Variants in DLGAP2 observed in about 807,000 individuals in gnomAD.
The protein encoded by DLGAP2 is disks large-associated protein 2.
A neutral mutation model predicts 100.3 loss-of-function variants in DLGAP2; 26 were observed. The ratio of observed to expected loss-of-function variants is 0.26; its 90% confidence interval spans 0.19 to 0.36. DLGAP2 has a LOEUF of 0.36. Among genes scored for constraint, DLGAP2 ranks in the 10% least tolerant of loss-of-function variants. DLGAP2 has a pLI of 1.00. For missense variants in DLGAP2, 1,858 were observed against 1,453.2 expected (o/e 1.28, Z -4.53); for synonymous variants, 886 against 630.1 (o/e 1.41, Z -6.08).
chr8:1,329,345 G>C (rs1365765008), intron 3 of DLGAP2, among the ~76,000 whole-genome samples: 3 of 152,112 alleles, frequency 2.0e-5, no homozygotes, highest in African/African-American at 4.8e-5. Flanking sequence ...GAGATTAAAT[G>C]GCATTTCATT....
At chr8:1,168,978 T>A (rs1275736592) in intron 2 of DLGAP2, among the ~76,000 whole-genome samples, 2 of 146,990 alleles carry the variant, frequency 1.4e-5, no homozygotes, top group Admixed American at 7.0e-5. Context: ...CTGAATGGTA[T>A]TGCCTAGGTT....
chr8:1,352,696 C>T (rs367871298), intron 3 of DLGAP2, among the ~76,000 whole-genome samples: 2 of 152,200 alleles, frequency 1.3e-5, no homozygotes, highest in South Asian at 2.1e-4. Context: ...TCCTTCTTTA[C>T]ATGACTTCTC....
At chr8:1,344,551 G>A (rs912466240) in intron 3 of DLGAP2, among the ~76,000 whole-genome samples, 1 of 152,200 alleles carries the variant, frequency 6.6e-6, no homozygotes, top group Non-Finnish European at 1.5e-5. Context: ...CCATAAGGAT[G>A]TCACAGAGAT....
At chr8:1,202,368 G>A (rs954773036) in intron 2 of DLGAP2, among the ~76,000 whole-genome samples, 6 of 151,972 alleles carry the variant, frequency 3.9e-5, no homozygotes, top group African/African-American at 1.5e-4. Flanking sequence ...CTTGGCACCT[G>A]TTGTGCTGTG....
At chr8:975,862 A>G (rs73673041) in intron 2 of DLGAP2, among the ~76,000 whole-genome samples, 3,084 of 152,328 alleles carry the variant, frequency 0.02, 109 homozygotes, top group African/African-American at 0.069. Flanking sequence ...AAATGCAATG[A>G]GACAGGAAAA....
chr8:1,562,939 T>C (rs1180935993), intron 5 of DLGAP2, among the ~76,000 whole-genome samples: 1 of 91,828 alleles, frequency 1.1e-5, no homozygotes, highest in African/African-American at 5.0e-5. Flanking sequence ...CTGCGGGGAC[T>C]GTGCAGTGTC....
At chr8:746,113 C>T (rs1032138065) in intron 1 of DLGAP2, among the ~76,000 whole-genome samples, 5 of 152,234 alleles carry the variant, frequency 3.3e-5, no homozygotes, top group African/African-American at 1.2e-4. Flanking sequence ...GCCGGGGGTG[C>T]GTCGCTGCTT....
chr8:1,199,793 A>T (rs1406016190), intron 2 of DLGAP2, among the ~76,000 whole-genome samples: 4 of 152,084 alleles, frequency 2.6e-5, no homozygotes, highest in Non-Finnish European at 5.9e-5. Flanking sequence ...GGAAACACTT[A>T]AACGATGATT....
intron 2 of DLGAP2, among the ~76,000 whole-genome samples, chr8:1,233,220 C>T (rs1229302906): frequency 6.6e-6 from 1 of 152,198 alleles, no homozygotes; most frequent in Non-Finnish European, 1.5e-5. Context: ...GTTGTTTCTG[C>T]CTCTTGGCTA....
Position 1,515,778 on chromosome 8 carries a change from C to G in DLGAP2, c.172+14347C>G, listed in dbSNP as rs1215172119. Reference sequence around the variant, plus strand: ...CACATGCACAAACATACAACACATACAACACACCTGACCTGTCTGCCCCTC... The same window carrying G: ...CACATGCACAAACATACAACACATAGAACACACCTGACCTGTCTGCCCCTC... On this transcript the variant is annotated intron_variant, in intron 4 of 14. Transcript: ENST00000637795. Among the ~76,000 whole-genome samples, 5 of 152,164 alleles carry G rather than the reference C, an allele frequency of 3.3e-5. No homozygotes were observed. The South Asian group carries it at 1.0e-3, about 32-fold the overall frequency.
intron 3 of DLGAP2, chr8:1,296,332 C>T (rs1350417408): frequency 6.6e-6 from 1 of 152,150 alleles, no homozygotes; most frequent in Non-Finnish European, 1.5e-5. Flanking sequence ...ATTCCGAGTG[C>T]CTTAAAGAGA....
chr8:1,647,356 G>A (rs1260390376), intron 8 of DLGAP2, among the ~76,000 whole-genome samples: 1 of 151,618 alleles, frequency 6.6e-6, no homozygotes, highest in Non-Finnish European at 1.5e-5. Flanking sequence ...AGGCGTCGTG[G>A]TGGGTGCCTG....
At chr8:1,488,478 G>A (rs11136399) in intron 3 of DLGAP2, among the ~76,000 whole-genome samples, 91,211 of 151,952 alleles carry the variant, frequency 0.6, 27,659 homozygotes, top group Admixed American at 0.69. Flanking sequence ...GAGGCCAGTC[G>A]GAACGGTGCC....
chr8:919,900 T>G (rs1350924306), intron 2 of DLGAP2, among the ~76,000 whole-genome samples: 2 of 152,220 alleles, frequency 1.3e-5, no homozygotes, highest in African/African-American at 4.8e-5. Flanking sequence ...CTTTGAAACC[T>G]GGGTAGCAGT....
At chr8:1,263,622 T>C (rs1157066304) in intron 3 of DLGAP2, among the ~76,000 whole-genome samples, 2 of 152,226 alleles carry the variant, frequency 1.3e-5, no homozygotes, top group African/African-American at 4.8e-5. Flanking sequence ...GTCTCCTTAG[T>C]GGGTTTTTGT....
intron 8 of DLGAP2, among the ~76,000 whole-genome samples, chr8:1,648,405 C>G (rs888391066): frequency 6.6e-6 from 1 of 152,148 alleles, no homozygotes; most frequent in Non-Finnish European, 1.5e-5. Context: ...TTTAAATCAA[C>G]TTCCATTCTA....
intron 6 of DLGAP2, among the ~76,000 whole-genome samples, chr8:1,595,955 T>G (rs1032582104): frequency 6.6e-6 from 1 of 152,024 alleles, no homozygotes; most frequent in Admixed American, 6.6e-5. Flanking sequence ...ATGTGCCATG[T>G]TGGTGTGCTG....
chr8:1,294,297 T>G (rs531401131), intron 3 of DLGAP2, among the ~76,000 whole-genome samples: 3 of 152,314 alleles, frequency 2.0e-5, no homozygotes, highest in Admixed American at 2.0e-4. Flanking sequence ...ATTGTCTTAT[T>G]AAGGGAAAAA....
chr8:839,907 A>G (rs1037538220), intron 1 of DLGAP2, among the ~76,000 whole-genome samples: 1 of 151,278 alleles, frequency 6.6e-6, no homozygotes, highest in East Asian at 1.9e-4. Context: ...GTCTCCCCAC[A>G]CTCTGGGTTC....
Sources: gnomAD v4.1 joint callset for allele counts (sites outside exome capture counted in the v4.1 genomes callset) on GRCh38, gnomAD v4.1.1 for gene constraint, MANE v1.5 for transcripts, NCBI Gene and HGNC (gene_info 2026-07-23, HGNC 2026-07-21) for gene names.